OPCML: variants seen among roughly 807,000 people sequenced by gnomAD.
The protein encoded by OPCML is opioid-binding protein/cell adhesion molecule.
Under a neutral mutation model 37.8 loss-of-function variants are expected in OPCML, and 13 were observed. The ratio of observed to expected loss-of-function variants is 0.34; its 90% CI spans 0.22 to 0.55. OPCML has a LOEUF of 0.55. Among genes scored for constraint, OPCML ranks in the 20% least tolerant of loss-of-function variants. OPCML has a pLI of 0.91. For missense variants in OPCML, 341 were observed against 435.6 expected (o/e 0.78, Z 1.93); for synonymous variants, 176 against 168.8 (o/e 1.04, Z -0.33).
intron 2 of OPCML, among the ~76,000 whole-genome samples, chr11:132,660,154 T>C (rs1188727512): frequency 2.0e-5 from 3 of 152,216 alleles, no homozygotes; most frequent in Admixed American, 2.0e-4. Flanking sequence ...GCCCCTTTTT[T>C]TAAATGCCGT....
intron 4 of OPCML, among the ~76,000 whole-genome samples, chr11:132,476,394 T>C (rs1427581875): frequency 5.3e-5 from 8 of 152,198 alleles, no homozygotes; most frequent in Non-Finnish European, 1.2e-4. Context: ...TGCACACGTA[T>C]GTTTATTGCG....
chr11:133,006,577 T>C (rs1421112776), intron 1 of OPCML: 8 of 985,336 alleles, frequency 8.1e-6, no homozygotes, highest in Admixed American at 1.2e-4. Flanking sequence ...TAGGGTGCTG[T>C]TGAAAGTTGA....
intron 1 of OPCML, among the ~76,000 whole-genome samples, chr11:132,957,095 T>C (rs1245938357): frequency 6.6e-6 from 1 of 152,176 alleles, no homozygotes; most frequent in African/African-American, 2.4e-5. Context: ...CATGCCACTG[T>C]ATTCCAGTCT....
At chr11:133,162,127 TGCCTAGATCTTG>T (rs1020091970) in intron 1 of OPCML, among the ~76,000 whole-genome samples, 3 of 151,482 alleles carry the variant, frequency 2.0e-5, no homozygotes, top group Admixed American at 2.0e-4. Flanking sequence ...CTATCAACCA[TGCCTAGATCTTG>T]GCAGGGCAGG....
intron 2 of OPCML, among the ~76,000 whole-genome samples, chr11:132,716,612 A>C (rs79244695): frequency 0.045 from 6,827 of 152,268 alleles, 419 homozygotes; most frequent in African/African-American, 0.14. Context: ...ATTTAATAGA[A>C]TTTCCCTGCA....
intron 1 of OPCML, among the ~76,000 whole-genome samples, chr11:133,104,953 A>G (rs956965519): frequency 3.9e-5 from 6 of 152,228 alleles, no homozygotes; most frequent in African/African-American, 1.4e-4. Flanking sequence ...AGCTAACTTG[A>G]GATGTAATAT....
chr11:132,875,969 A>G (rs1054093836), intron 2 of OPCML, among the ~76,000 whole-genome samples: 2 of 152,232 alleles, frequency 1.3e-5, no homozygotes, highest in African/African-American at 4.8e-5. Flanking sequence ...TGCACTTAAG[A>G]AGGCAGATGG....
At chr11:133,519,967 C>G (rs968466657) in intron 1 of OPCML, among the ~76,000 whole-genome samples, 1 of 152,170 alleles carries the variant, frequency 6.6e-6, no homozygotes, top group South Asian at 2.1e-4. Flanking sequence ...ACGGTGCCAC[C>G]TTACGTCTCT....
At chr11:133,479,691 G>T (rs1016520740) in intron 1 of OPCML, among the ~76,000 whole-genome samples, 3 of 152,158 alleles carry the variant, frequency 2.0e-5, no homozygotes, top group Admixed American at 6.5e-5. Context: ...TCACCCATTT[G>T]GGCCCCACCC....
chr11:133,116,916 G>A (rs1949344316), intron 1 of OPCML, among the ~76,000 whole-genome samples: 1 of 151,670 alleles, frequency 6.6e-6, no homozygotes, highest in African/African-American at 2.4e-5. Context: ...TTGCAAAATG[G>A]TGATGTTTTG....
Position 132,420,010 on chromosome 11 carries a change from C to G in OPCML, c.*183G>C. 2.3e-6 allele frequency: 1 copy of G among 434,410 alleles called. No homozygotes were observed. 26.9% of individuals were successfully genotyped at this position (434,410 alleles called of 1,614,324 possible). On this transcript the variant is annotated 3_prime_UTR_variant, in exon 8 of 8. Transcript: ENST00000524381. Reference sequence around the variant, plus strand: ...GGTAGAACCCTGCCCACCCCGCCCCCAACCCCACTCATTCAAGCTGGAAAT... The same window carrying G: ...GGTAGAACCCTGCCCACCCCGCCCCGAACCCCACTCATTCAAGCTGGAAAT...
chr11:132,824,986 C>A (rs1042833191), intron 2 of OPCML, among the ~76,000 whole-genome samples: 1 of 152,156 alleles, frequency 6.6e-6, no homozygotes, highest in African/African-American at 2.4e-5. Flanking sequence ...GCAGAGAGGG[C>A]TTCTCTGATA....
chr11:132,555,303 G>A (rs2096392709), intron 3 of OPCML, among the ~76,000 whole-genome samples: 2 of 152,130 alleles, frequency 1.3e-5, no homozygotes, highest in Admixed American at 1.3e-4. Context: ...AATCATGGCA[G>A]TAGGAAAAGG....
chr11:133,118,840 G>A (rs1175949179), intron 1 of OPCML, among the ~76,000 whole-genome samples: 1 of 152,114 alleles, frequency 6.6e-6, no homozygotes. Flanking sequence ...ACAGCAAAGT[G>A]CCCTCCTGCA....
chr11:132,913,894 C>T (rs1944514646), intron 2 of OPCML, among the ~76,000 whole-genome samples: 1 of 152,220 alleles, frequency 6.6e-6, no homozygotes, highest in South Asian at 2.1e-4. Context: ...CGACGGACTC[C>T]TCCCCTCTCT....
In OPCML at chr11:133,263,376, T is replaced by C. The variant is rs148433787; in HGVS notation, c.61+268888A>G. Among the ~76,000 whole-genome samples the C allele has an allele frequency of 4.4e-3, 677 of 152,266 alleles. 3 individuals are homozygous for C. The highest frequency in any genetic ancestry group is 7.5e-3 in the Non-Finnish European group (513 of 68,018). On this transcript the variant is annotated intron_variant, in intron 1 of 7. Coordinates refer to ENST00000524381, the MANE Select transcript of OPCML (RefSeq NM_001012393.5). ...TCCTATGTTTAGATACACAAATGCTTACCATTGTGTTACAGTTGCCTACAG... is the reference window on the plus strand; with the variant it reads ...TCCTATGTTTAGATACACAAATGCTCACCATTGTGTTACAGTTGCCTACAG...
At position 132,529,164 on chromosome 11, in the gene OPCML, G is replaced by A. The variant is rs1005469984; in HGVS notation, c.402C>T (p.Ile134=). Reference sequence around the variant, plus strand: ...CCTCATTCACAGTGATGTCTGAGGAGATATTCATGATCTGAGGAGGAACTG... The same window carrying A: ...CCTCATTCACAGTGATGTCTGAGGAAATATTCATGATCTGAGGAGGAACTG... The part of the protein sequence containing the change: ...IVQVPPQIMN[I]SSDITVNEGS... Residue 134 remains isoleucine, a synonymous_variant, in exon 4 of 8, where the codon ATC becomes ATT. Coordinates refer to ENST00000524381, the MANE Select transcript of OPCML (RefSeq NM_001012393.5). 1.9e-6 allele frequency: 3 copies of A among 1,611,112 alleles called. No individual in the cohort carries two copies. The highest frequency in any genetic ancestry group is 3.3e-5 in the Admixed American group (2 of 59,746).
At position 132,896,483 on chromosome 11, in the gene OPCML, A is replaced by C. The variant is rs371629777; in HGVS notation, c.146+46443T>G. The stretch of plus-strand genomic sequence containing the variant: ...CAACCGTCAAAGACAAGTTGAATGC[A>C]GTTTTCAAAATGGTACCTGGTATGC... On this transcript the variant is annotated intron_variant, in intron 2 of 7. Transcript: ENST00000524381. Among the ~76,000 whole-genome samples, 5 of 152,246 alleles carry C rather than the reference A, an allele frequency of 3.3e-5. No homozygotes were observed. In the East Asian group the frequency reaches 7.7e-4, roughly 23 times the overall value.
At chr11:133,077,630 G>A (rs1407628025) in intron 1 of OPCML, among the ~76,000 whole-genome samples, 1 of 152,160 alleles carries the variant, frequency 6.6e-6, no homozygotes, top group African/African-American at 2.4e-5. Context: ...TCTATTAAAT[G>A]AAGGAAGCAC....
Sources: allele counts gnomAD v4.1 joint callset (sites outside exome capture counted in the v4.1 genomes callset), GRCh38; gene constraint gnomAD v4.1.1; transcripts MANE v1.5; gene names NCBI Gene and HGNC (gene_info 2026-07-23, HGNC 2026-07-21).